Variants in ANKRD17 observed in about 807,000 individuals in gnomAD.
The protein encoded by ANKRD17 is ankyrin repeat domain 17.
A neutral mutation model predicts 229.7 loss-of-function variants in ANKRD17; 19 were observed. The ratio of observed to expected loss-of-function variants is 0.08; its 90% CI spans 0.06 to 0.12. The LOEUF (loss-of-function observed/expected upper bound fraction) is 0.12. Among genes scored for constraint, ANKRD17 ranks in the 10% least tolerant of loss-of-function variants. The pLI, the probability that ANKRD17 is intolerant of heterozygous loss-of-function variation, is 1.00. For synonymous variants in ANKRD17, 1,112 were observed against 1,146.1 expected, an observed-to-expected ratio of 0.97 and a Z score of 0.60; for missense variants, 2,176 against 3,176.8, an observed-to-expected ratio of 0.68 and a Z score of 7.57.
At chr4:73,173,170 T>A (rs986314056) in intron 2 of ANKRD17, among the ~76,000 whole-genome samples, 10 of 152,138 alleles carry the variant, frequency 6.6e-5, no homozygotes. Flanking sequence ...TATACTTACA[T>A]TGCACAAAAT....
chr4:73,098,338 C>G lies in ANKRD17; in HGVS notation c.4756G>C (p.Asp1586His), dbSNP rs536742176. ...ITPENVQIIF[D>H]DPLPISYSQP... Reference sequence around the variant, plus strand: ...CTGTATGAAATTGGTAGTGGATCATCAAATATAATTTGAACGTTTTCTGGA... The same window carrying G: ...CTGTATGAAATTGGTAGTGGATCATGAAATATAATTTGAACGTTTTCTGGA... The change falls in exon 26 of 34, where the codon GAT becomes CAT. Residue 1586 changes from aspartate to histidine, a missense_variant. Transcript: ENST00000358602. The G allele has an allele frequency of 6.2e-7, 1 of 1,614,200 alleles. No homozygotes were observed. The highest frequency in any genetic ancestry group is 1.7e-5 in the Admixed American group (1 of 60,030).
intron 1 of ANKRD17, among the ~76,000 whole-genome samples, chr4:73,236,962 GT>G (rs1181135250): frequency 1.3e-5 from 2 of 152,130 alleles, no homozygotes; most frequent in Non-Finnish European, 2.9e-5. Context: ...TGGAGAAATA[GT>G]GTAAGAAAAG....
In ANKRD17 at chr4:73,179,507, TATA is replaced by T. The variant is rs1735219233; in HGVS notation, c.394-1977_394-1975del. Among the ~76,000 whole-genome samples the T allele has an allele frequency of 7.2e-5, 6 of 83,836 alleles. No individual in the cohort carries two copies. In the South Asian group the frequency reaches 2.1e-3, roughly 30 times the overall value. The allele number at this position is 83,836 out of a possible 152,430, so 55.0% of individuals were successfully genotyped here. On this transcript the variant is annotated intron_variant, in intron 1 of 33. Coordinates refer to ENST00000358602, the MANE Select transcript of ANKRD17 (RefSeq NM_032217.5). Reference sequence around the variant, plus strand: ...GTGTGTGTATATATATATATATATATATATATATATATTTTTTTTTTTTTTTTT... The same window carrying T: ...GTGTGTGTATATATATATATATATATTATATATATTTTTTTTTTTTTTTTT...
chr4:73,158,158 AAG>A (rs1458818823), intron 3 of ANKRD17, among the ~76,000 whole-genome samples: 17 of 140,632 alleles, frequency 1.2e-4, no homozygotes, highest in African/African-American at 4.5e-4. Context: ...AAGAAAAAGA[AAG>A]AAAGAAAGAA....
At chr4:73,163,458 T>C (rs934068567) in intron 2 of ANKRD17, among the ~76,000 whole-genome samples, 5 of 152,188 alleles carry the variant, frequency 3.3e-5, no homozygotes, top group Non-Finnish European at 5.9e-5. Flanking sequence ...GATCCCCATA[T>C]GATTCCAATG....
chr4:73,090,508 TAACACCATA>T (rs1722688070), intron 29 of ANKRD17, among the ~76,000 whole-genome samples, 150 bp downstream of exon 29: 2 of 152,194 alleles, frequency 1.3e-5, no homozygotes, highest in Admixed American at 1.3e-4. Flanking sequence ...TTTTTAAAAA[TAACACCATA>T]CTAAACACAA....
In ANKRD17 at chr4:73,077,547, AAG is replaced by A; in HGVS notation, c.7409-16_7409-15del. On this transcript the variant is annotated splice_polypyrimidine_tract_variant and intron_variant, in intron 31 of 33. Transcript: ENST00000358602. ...AGTCTACTTTGTCTGAGGGCAAACAAAGAGGCAAAACAAAAATAGATAATATT... is the reference window on the plus strand; with the variant it reads ...AGTCTACTTTGTCTGAGGGCAAACAAAGGCAAAACAAAAATAGATAATATT... 1 of 1,539,264 alleles carries A rather than the reference AAG, an allele frequency of 6.5e-7. No homozygotes were observed. Among genetic ancestry groups the A allele is most frequent in the South Asian group, 1.3e-5 (1 of 79,894 alleles).
chr4:73,194,994 G>C (rs1347886508), intron 1 of ANKRD17, among the ~76,000 whole-genome samples: 1 of 151,930 alleles, frequency 6.6e-6, no homozygotes, highest in Non-Finnish European at 1.5e-5. Context: ...CTAATATATA[G>C]GAATGGAAAA....
chr4:73,193,097 T>C (rs1193948306), intron 1 of ANKRD17, among the ~76,000 whole-genome samples: 1 of 152,224 alleles, frequency 6.6e-6, no homozygotes, highest in Non-Finnish European at 1.5e-5. Flanking sequence ...CATGTACCAC[T>C]ACCTTTTGCC....
At chr4:73,087,647 T>C (rs1035453325) in intron 29 of ANKRD17, among the ~76,000 whole-genome samples, 1 of 152,142 alleles carries the variant, frequency 6.6e-6, no homozygotes, top group Non-Finnish European at 1.5e-5. Context: ...ACACACATAG[T>C]CAGAAAGAAT....
chr4:73,124,783 G>T, intron 18 of ANKRD17, 130 bp downstream of exon 18: 1 of 1,153,456 alleles, frequency 8.7e-7, no homozygotes. Flanking sequence ...TTTGTTAATA[G>T]ATAATAGTTT....
chr4:73,110,169 C>G (rs933221675), intron 24 of ANKRD17, among the ~76,000 whole-genome samples: 3 of 152,082 alleles, frequency 2.0e-5, no homozygotes, highest in African/African-American at 7.2e-5. Context: ...ATTCTAACAG[C>G]CAAGAACGTA....
At chr4:73,249,714 C>G (rs904589469) in intron 1 of ANKRD17, among the ~76,000 whole-genome samples, 2 of 152,146 alleles carry the variant, frequency 1.3e-5, no homozygotes, top group African/African-American at 4.8e-5. Context: ...ATTAGCCGGG[C>G]GTGGTGGCGC....
intron 24 of ANKRD17, among the ~76,000 whole-genome samples, chr4:73,103,376 A>C (rs934321774): frequency 1.3e-5 from 2 of 152,180 alleles, no homozygotes; most frequent in African/African-American, 4.8e-5. Context: ...TAGCAGAATG[A>C]TGGTGACTTT....
At chr4:73,247,256 AGTAAATTAAC>A (rs930991125) in intron 1 of ANKRD17, among the ~76,000 whole-genome samples, 1 of 152,076 alleles carries the variant, frequency 6.6e-6, no homozygotes, top group Non-Finnish European at 1.5e-5. Context: ...TTTAAAACTA[AGTAAATTAAC>A]CACATCTAGG....
chr4:73,120,308 G>A lies in ANKRD17; in HGVS notation c.3879C>T (p.Ala1293=), dbSNP rs1416493787. 2 of 1,613,946 alleles carry A rather than the reference G, an allele frequency of 1.2e-6. No homozygotes were observed. The highest frequency in any genetic ancestry group is 2.2e-5 in the South Asian group (2 of 91,078). ...GGCCCACCTCCGCATATCCACCAGA[G>A]GCAGCTTCCATTAGTGGTGTGAGAC... ...KTGLTPLMEA[A]SGGYAEVGRV... Residue 1293 remains alanine, a synonymous_variant, in exon 21 of 34, where the codon GCC becomes GCT. Coordinates refer to ENST00000358602, the MANE Select transcript of ANKRD17 (RefSeq NM_032217.5).
chr4:73,111,050 T>C (rs1725254264), intron 24 of ANKRD17, among the ~76,000 whole-genome samples: 2 of 152,196 alleles, frequency 1.3e-5, no homozygotes, highest in Admixed American at 6.5e-5. Context: ...TGCAAGTATC[T>C]ACTAAATTAA....
At chr4:73,220,712 A>G (rs1402980129) in intron 1 of ANKRD17, among the ~76,000 whole-genome samples, 1 of 152,158 alleles carries the variant, frequency 6.6e-6, no homozygotes, top group Non-Finnish European at 1.5e-5. Context: ...AAAGAGTCTA[A>G]TATTTATTCA....
Position 73,098,128 on chromosome 4 carries a change from G to C in ANKRD17, c.4966C>G (p.Leu1656Val). The change falls in exon 26 of 34, where the codon CTT (leucine) becomes GTT (valine). Residue 1656 changes from leucine to valine, a missense_variant. Physicochemically the swap from Leu to Val is conservative, Grantham distance 32. Around this residue, in one of 18 missense-constraint regions of ANKRD17, gnomAD observed 98 missense variants for 101.0 expected, o/e 0.97. Transcript: ENST00000358602. ...CTCTCTTCCTTTGGAAATGTAACAA[G>C]AACTGATGGCTGCTTTTTGCTGCTC... ...TVSSKKQPSV[L>V]VTFPKEERKS... 6.2e-7 allele frequency: 1 copy of C among 1,613,432 alleles called. No individual in the cohort carries two copies. Among genetic ancestry groups the C allele is most frequent in the Non-Finnish European group, 8.5e-7 (1 of 1,179,492 alleles).
Sources: gnomAD v4.1 joint callset for allele counts (sites outside exome capture counted in the v4.1 genomes callset) on GRCh38, gnomAD v4.1.1 for gene constraint, gnomAD v4.1.1 regional missense constraint, MANE v1.5 for transcripts, NCBI Gene and HGNC (gene_info 2026-07-23, HGNC 2026-07-21) for gene names.